The following PIWIL2 variants were observed in gnomAD, a reference collection of about 807,000 sequenced individuals.
PIWIL2 encodes piwi like RNA-mediated gene silencing 2, also known as piwi-like protein 2.
PIWIL2 carries 81 observed loss-of-function variants against 116.5 expected under a neutral mutation model. That is an observed-to-expected ratio of 0.70 (90% confidence interval 0.58 to 0.84). The LOEUF (loss-of-function observed/expected upper bound fraction) is 0.84. PIWIL2 is among the 40% of genes least tolerant of loss of function. The pLI is 0.00. For synonymous variants in PIWIL2, 489 were observed against 429.5 expected (o/e 1.14, Z -1.71); for missense variants, 1,272 against 1,212.3 (o/e 1.05, Z -0.73).
chr8:22,293,578 G>A (rs1229742034), intron 10 of PIWIL2, among the ~76,000 whole-genome samples: 1 of 152,186 alleles, frequency 6.6e-6, no homozygotes, highest in African/African-American at 2.4e-5. Flanking sequence ...GCCTGCCTCA[G>A]CTTCCCAAAG....
At chr8:22,338,456 C>T (rs1015288385) in intron 20 of PIWIL2, among the ~76,000 whole-genome samples, 14 of 152,138 alleles carry the variant, frequency 9.2e-5, no homozygotes, top group African/African-American at 2.7e-4. Flanking sequence ...TTTAGAAGAC[C>T]GAGGTGGGCG....
intron 6 of PIWIL2, among the ~76,000 whole-genome samples, chr8:22,284,485 G>C (rs957282576): frequency 2.0e-5 from 3 of 151,988 alleles, no homozygotes; most frequent in Non-Finnish European, 4.4e-5. Flanking sequence ...AACTTCATAG[G>C]GTGTAGATTT....
At chr8:22,286,736 C>G (rs1563351380) in intron 6 of PIWIL2, among the ~76,000 whole-genome samples, 1 of 152,082 alleles carries the variant, frequency 6.6e-6, no homozygotes, top group African/African-American at 2.4e-5. Flanking sequence ...ATTCTCATGC[C>G]TCAGCCTCCC....
Position 22,315,081 on chromosome 8 carries a change from A to G in PIWIL2, c.2144A>G (p.Gln715Arg), listed in dbSNP as rs777393825. 1.2e-6 allele frequency: 2 copies of G among 1,613,898 alleles called. No homozygotes were observed. Among genetic ancestry groups the G allele is most frequent in the Non-Finnish European group, 1.7e-6 (2 of 1,179,778 alleles). The change falls in exon 18 of 23, where the codon CAG becomes CGG. Residue 715 changes from glutamine (Q) to arginine (R), a missense_variant. Physicochemically the swap from Gln to Arg is conservative, Grantham distance 43 (BLOSUM62 1). Coordinates refer to ENST00000356766, the MANE Select transcript of PIWIL2 (RefSeq NM_018068.5). Reference sequence around the variant, plus strand: ...CCCACCAGGCTTCGGAGTGTGGCCCAGAAGATTTTACTTCAGATTAACTGT... The same window carrying G: ...CCCACCAGGCTTCGGAGTGTGGCCCGGAAGATTTTACTTCAGATTAACTGT... Reference protein sequence around the residue: ...GQPTRLRSVAQKILLQINCKL... With the variant: ...GQPTRLRSVARKILLQINCKL...
Position 22,304,809 on chromosome 8 carries a change from G to C in PIWIL2, c.1396G>C (p.Glu466Gln), listed in dbSNP as rs1262026696. The C allele has an allele frequency of 7.4e-6, 12 of 1,613,562 alleles. No homozygotes were observed. Among genetic ancestry groups the C allele is most frequent in the Non-Finnish European group, 1.0e-5 (12 of 1,179,488 alleles). The change falls in exon 12 of 23, where the codon GAA (glutamate) becomes CAA (glutamine). Residue 466 changes from glutamate (E) to glutamine (Q), a missense_variant. Transcript: ENST00000356766. ...CAAAAATTATGGGATCACAGTTAAG[G>C]AAGAGGACCAGCCATTGCTGATTCA... is the stretch of plus-strand genomic sequence containing the variant. Reference protein sequence around the residue: ...YSKNYGITVKEEDQPLLIHRP... With the variant: ...YSKNYGITVKQEDQPLLIHRP...
rs184355111 is a variant in PIWIL2, at chr8:22,287,656, A to G, written c.861+11A>G. On this transcript the variant is annotated intron_variant, in intron 7 of 22. Transcript: ENST00000356766. ...GTTAAGCTTCAACAAGTGAGACCAAACAGGAAATGGACTTTGAGATGAACC... is the reference window on the plus strand; with the variant it reads ...GTTAAGCTTCAACAAGTGAGACCAAGCAGGAAATGGACTTTGAGATGAACC... The G allele has an allele frequency of 1.3e-6, 2 of 1,495,896 alleles. No homozygotes were observed. The highest frequency in any genetic ancestry group is 2.3e-5 in the East Asian group (1 of 44,352). 92.7% of individuals were successfully genotyped at this position (1,495,896 alleles called of 1,614,324 possible). A position where few individuals can be genotyped will look rare whatever the true frequency, so the allele number is the denominator to read the frequency against.
At chr8:22,336,218 C>T (rs1409896136) in intron 20 of PIWIL2, among the ~76,000 whole-genome samples, 2 of 152,182 alleles carry the variant, frequency 1.3e-5, no homozygotes, top group African/African-American at 2.4e-5. Context: ...ACGTGGCACT[C>T]TTCTCCATGA....
intron 20 of PIWIL2, chr8:22,352,661 C>A: frequency 3.3e-6 from 1 of 299,396 alleles, no homozygotes; most frequent in East Asian, 5.4e-5. Context: ...TCCCAGCATT[C>A]CTTTGAACTT....
At chr8:22,318,300 C>A in intron 20 of PIWIL2, 25 bp downstream of exon 20, 1 of 1,276,676 alleles carries the variant, frequency 7.8e-7, no homozygotes, top group Non-Finnish European at 1.1e-6. Flanking sequence ...AATTCTCAGG[C>A]TTCTGGGGTT....
At chr8:22,309,866 T>C in intron 14 of PIWIL2, 95 bp from the exon 15 acceptor site, 1 of 689,922 alleles carries the variant, frequency 1.4e-6, no homozygotes, top group African/African-American at 1.8e-5. Context: ...CAAGTGTCTG[T>C]GGTGGAGCTG....
At chr8:22,339,292 G>A (rs542816680) in intron 20 of PIWIL2, among the ~76,000 whole-genome samples, 2 of 152,294 alleles carry the variant, frequency 1.3e-5, no homozygotes, top group Non-Finnish European at 2.9e-5. Context: ...CAGATCACGA[G>A]ATCAGGAGAT....
intron 19 of PIWIL2, 69 bp downstream of exon 19, chr8:22,316,402 A>G (rs1831460903): frequency 1.7e-5 from 16 of 928,972 alleles, no homozygotes; most frequent in Non-Finnish European, 2.5e-5. Flanking sequence ...TTATAAATCC[A>G]GCAAATCTTT....
At chr8:22,337,627 A>G (rs1832009866) in intron 20 of PIWIL2, among the ~76,000 whole-genome samples, 1 of 151,652 alleles carries the variant, frequency 6.6e-6, no homozygotes, top group Admixed American at 6.6e-5. Context: ...GGTACTTGGG[A>G]GATGAGACAG....
At chr8:22,330,003 G>A (rs374217738) in intron 20 of PIWIL2, among the ~76,000 whole-genome samples, 4 of 152,112 alleles carry the variant, frequency 2.6e-5, no homozygotes, top group Admixed American at 6.5e-5. Flanking sequence ...GGAAATTTTT[G>A]TGTTAATTAT....
rs1159423546 is a variant in PIWIL2, at chr8:22,279,323, T to G, written c.-46-18T>G. On this transcript the variant is annotated intron_variant, in intron 1 of 22. Coordinates refer to ENST00000356766, the MANE Select transcript of PIWIL2 (RefSeq NM_018068.5). ...AGGAAAACAATTGGGAATCTTAATC[T>G]TTTGAAAATGATGGCAGGTAATTAA... is the stretch of plus-strand genomic sequence containing the variant. The G allele has an allele frequency of 7.9e-7, 1 of 1,266,298 alleles. No individual in the cohort carries two copies. Among genetic ancestry groups the G allele is most frequent in the Non-Finnish European group, 1.2e-6 (1 of 863,724 alleles). The allele number at this position is 1,266,298 out of a possible 1,614,324, so 78.4% of individuals were successfully genotyped here. A position where few individuals can be genotyped will look rare whatever the true frequency, so the allele number is the denominator to read the frequency against.
chr8:22,349,779 A>G (rs978238919), intron 20 of PIWIL2, among the ~76,000 whole-genome samples: 27 of 152,042 alleles, frequency 1.8e-4, no homozygotes, highest in African/African-American at 6.3e-4. Context: ...GAGAAGGTGG[A>G]GCCCCAGGCT....
intron 20 of PIWIL2, among the ~76,000 whole-genome samples, chr8:22,345,611 C>A (rs894838802): frequency 6.6e-6 from 1 of 152,122 alleles, no homozygotes; most frequent in Admixed American, 6.5e-5. Context: ...TGGCAGTGAG[C>A]TGAGATTGCA....
chr8:22,312,357 T>C (rs1160277453), intron 16 of PIWIL2, among the ~76,000 whole-genome samples: 1 of 152,024 alleles, frequency 6.6e-6, no homozygotes, highest in Non-Finnish European at 1.5e-5. Context: ...CTCAAACTCC[T>C]GGGCTCAAGC....
At chr8:22,351,436 C>CATTATAT (rs1832351077) in intron 20 of PIWIL2, among the ~76,000 whole-genome samples, 1 of 46,270 alleles carries the variant, frequency 2.2e-5, no homozygotes, top group Non-Finnish European at 4.5e-5. Context: ...ACAGTGCATA[C>CATTATAT]ATACATATAT....
Sources: allele counts gnomAD v4.1 joint callset (sites outside exome capture counted in the v4.1 genomes callset), GRCh38; gene constraint gnomAD v4.1.1; transcripts MANE v1.5; gene names NCBI Gene and HGNC (gene_info 2026-07-23, HGNC 2026-07-21).